The following RBPJ variants were observed in gnomAD, a reference collection of about 807,000 sequenced individuals.
The protein encoded by RBPJ is recombination signal binding protein for immunoglobulin kappa J region, also known as recombining binding protein suppressor of hairless.
In RBPJ, 9 loss-of-function variants were observed where a neutral mutation model predicts 67.8. That is an observed-to-expected ratio of 0.13 (90% CI 0.08 to 0.23). The LOEUF is 0.23. Among genes scored for constraint, RBPJ ranks in the 10% least tolerant of loss-of-function variants. The pLI is 1.00. For missense variants in RBPJ, 305 were observed against 595.6 expected (o/e 0.51, Z 5.08); for synonymous variants, 198 against 203.3 (o/e 0.97, Z 0.22).
upstream of RBPJ, among the ~76,000 whole-genome samples, chr4:26,317,272 A>T (rs1205340694): frequency 6.6e-6 from 1 of 152,004 alleles, no homozygotes; most frequent in Non-Finnish European, 1.5e-5. Context: ...AGGAGGTGAC[A>T]TCAGGCAAAG....
At chr4:26,198,547 C>A (rs776228885) in intron 1 of RBPJ, among the ~76,000 whole-genome samples, 1 of 152,214 alleles carries the variant, frequency 6.6e-6, no homozygotes, top group Non-Finnish European at 1.5e-5. Flanking sequence ...TAGCATTTAT[C>A]TTGTGCCAGA....
intron 1 of RBPJ, among the ~76,000 whole-genome samples, chr4:26,191,744 C>T (rs1011742228): frequency 1.3e-5 from 2 of 152,152 alleles, no homozygotes; most frequent in Non-Finnish European, 2.9e-5. Context: ...CAACTGGGGG[C>T]TGGCTGGTCA....
At chr4:26,166,899 T>C (rs1158534258) in intron 1 of RBPJ, among the ~76,000 whole-genome samples, 2 of 152,214 alleles carry the variant, frequency 1.3e-5, no homozygotes, top group Non-Finnish European at 2.9e-5. Context: ...TTGTATAAGG[T>C]GTAAGGAAGA....
At chr4:26,316,595 A>AATATATATATACACATATTG (rs1160440717), upstream of RBPJ, among the ~76,000 whole-genome samples, 8,958 of 121,306 alleles carry the variant, frequency 0.074, 1,109 homozygotes, top group East Asian at 0.21. Flanking sequence ...TCATATATAT[A>AATATATATATACACATATTG]ATATATATAT....
At position 26,412,502 on chromosome 4, in the gene RBPJ, G is replaced by A. The variant is rs139715172; in HGVS notation, c.156-2973G>A. Among the ~76,000 whole-genome samples, 1,092 of 152,276 alleles carry A rather than the reference G, an allele frequency of 7.2e-3. 8 individuals carry two copies. Among genetic ancestry groups the A allele is most frequent in the Admixed American group, 0.014 (209 of 15,304 alleles). On this transcript the variant is annotated intron_variant, in intron 3 of 10. Transcript: ENST00000355476. ...CTGCCTCAGCCTCCCAAAGTGCTGGGATTATAGGCATGAGTCACTGCACCC... is the reference window on the plus strand; with the variant it reads ...CTGCCTCAGCCTCCCAAAGTGCTGGAATTATAGGCATGAGTCACTGCACCC...
chr4:26,433,481 A>G lies in RBPJ; in HGVS notation c.*2474A>G, dbSNP rs1413598675. On this transcript the variant is annotated 3_prime_UTR_variant, in exon 11 of 11. Coordinates refer to ENST00000355476, the MANE Select transcript of RBPJ (RefSeq NM_015874.6). Reference sequence around the variant, plus strand: ...TTACCCATTTTTGTAGCTCAAAAATAATTTTTCAAGTTCATGACCTTATTA... The same window carrying G: ...TTACCCATTTTTGTAGCTCAAAAATGATTTTTCAAGTTCATGACCTTATTA... The G allele has an allele frequency of 6.6e-6, 1 of 152,222 alleles. No homozygotes were observed. The highest frequency in any genetic ancestry group is 2.4e-5 in the African/African-American group (1 of 41,460). The allele number at this position is 152,222 out of a possible 1,614,324, so 9.4% of individuals were successfully genotyped here.
At chr4:26,399,776 C>T (rs1351738579) in intron 2 of RBPJ, among the ~76,000 whole-genome samples, 1 of 152,032 alleles carries the variant, frequency 6.6e-6, no homozygotes, top group Admixed American at 6.6e-5. Flanking sequence ...ACCTCCGCCT[C>T]CTGGGTTCAA....
chr4:26,419,930 G>T (rs534212073), intron 4 of RBPJ, among the ~76,000 whole-genome samples: 14 of 151,862 alleles, frequency 9.2e-5, no homozygotes, highest in Admixed American at 9.2e-4. Flanking sequence ...CATATGAATC[G>T]TCCTTTTGGG....
At chr4:26,373,915 CT>C (rs765161799) in intron 1 of RBPJ, among the ~76,000 whole-genome samples, 207 of 113,288 alleles carry the variant, frequency 1.8e-3, no homozygotes, top group East Asian at 0.01. Flanking sequence ...TTATTTTTTA[CT>C]TTTTTTTTTT....
chr4:26,141,209 T>A, the RBPJ span, among the ~76,000 whole-genome samples: 2 of 152,226 alleles, frequency 1.3e-5, no homozygotes, highest in Non-Finnish European at 2.9e-5. Context: ...CCACAGTAAA[T>A]AATCAATTTG....
At chr4:26,109,460 C>CTCTATA in the RBPJ span, among the ~76,000 whole-genome samples, 11 of 14,696 alleles carry the variant, frequency 7.5e-4, no homozygotes, top group Non-Finnish European at 1.2e-3. Context: ...CTCTCTCTCT[C>CTCTATA]TATATATATA....
intron 1 of RBPJ, among the ~76,000 whole-genome samples, chr4:26,204,414 A>C (rs1577469161): frequency 6.6e-6 from 1 of 152,350 alleles, no homozygotes; most frequent in East Asian, 1.9e-4. Flanking sequence ...GTCAGAGTTC[A>C]GGAAATGATT....
At chr4:26,279,449 T>C (rs1014901870) in intron 1 of RBPJ, among the ~76,000 whole-genome samples, 6 of 152,000 alleles carry the variant, frequency 3.9e-5, no homozygotes, top group African/African-American at 7.2e-5. Context: ...CCCAGCTAAT[T>C]TTTGTATTTT....
chr4:26,276,855 G>A (rs1577381162), intron 1 of RBPJ, among the ~76,000 whole-genome samples: 1 of 152,244 alleles, frequency 6.6e-6, no homozygotes, highest in East Asian at 1.9e-4. Context: ...TGTAGCAAGG[G>A]CGGAGTCAAA....
chr4:26,402,306 C>T (rs1025963428), intron 2 of RBPJ, among the ~76,000 whole-genome samples: 1 of 152,200 alleles, frequency 6.6e-6, no homozygotes, highest in Admixed American at 6.5e-5. Context: ...GCAGTTTGGT[C>T]TCCCTATTCC....
chr4:26,415,775 C>CAA (rs3214340), intron 4 of RBPJ, 135 bp downstream of exon 4: 9 of 745,190 alleles, frequency 1.2e-5, no homozygotes, highest in African/African-American at 2.1e-5. Flanking sequence ...AAACTAGGAC[C>CAA]AAAAAACATG....
the RBPJ span, among the ~76,000 whole-genome samples, chr4:26,118,394 C>T: frequency 1.3e-5 from 2 of 152,200 alleles, no homozygotes; most frequent in Non-Finnish European, 2.9e-5. Flanking sequence ...GTTATCAGTC[C>T]ATCCGTGGTT....
chr4:26,137,537 G>A, the RBPJ span, among the ~76,000 whole-genome samples: 1 of 152,134 alleles, frequency 6.6e-6, no homozygotes, highest in Non-Finnish European at 1.5e-5. Flanking sequence ...TCAAGTCCAG[G>A]TCCTACCAAG....
intron 1 of RBPJ, among the ~76,000 whole-genome samples, chr4:26,278,882 G>A (rs1163843454): frequency 6.6e-6 from 1 of 152,200 alleles, no homozygotes; most frequent in Non-Finnish European, 1.5e-5. Flanking sequence ...GCAGGCATCA[G>A]GAAGTTTGGC....
Sources: gnomAD v4.1 joint callset for allele counts (sites outside exome capture counted in the v4.1 genomes callset) on GRCh38, gnomAD v4.1.1 for gene constraint, MANE v1.5 for transcripts, NCBI Gene and HGNC (gene_info 2026-07-23, HGNC 2026-07-21) for gene names.